CDH12: variants seen among roughly 807,000 people sequenced by gnomAD.
CDH12 encodes the protein cadherin-12.
A neutral mutation model predicts 74.1 loss-of-function variants in CDH12; 41 were observed. The ratio of observed to expected loss-of-function variants is 0.55; its 90% CI spans 0.43 to 0.72. The LOEUF is 0.72. Ranked by LOEUF, CDH12 falls within the 30% of genes least tolerant of loss-of-function variation. The probability of loss-of-function intolerance (pLI) is 0.00; values close to 1 mark genes in which losing one functional copy is unlikely to be tolerated. For missense variants in CDH12, 945 were observed against 977.2 expected, an observed-to-expected ratio of 0.97 and a Z score of 0.44; for synonymous variants, 399 against 355.0, an observed-to-expected ratio of 1.12 and a Z score of -1.39.
intron 2 of CDH12, among the ~76,000 whole-genome samples, chr5:22,409,335 G>A (rs1743083757): frequency 1.3e-5 from 2 of 151,618 alleles, no homozygotes; most frequent in Admixed American, 1.3e-4. Context: ...ATGTTTCTAA[G>A]GTCTGAGTGC....
At chr5:22,546,709 G>A (rs2126727303) in intron 1 of CDH12, among the ~76,000 whole-genome samples, 1 of 152,168 alleles carries the variant, frequency 6.6e-6, no homozygotes, top group East Asian at 1.9e-4. Context: ...AGAAGAATGG[G>A]CATGTTCTGT....
chr5:22,759,219 CT>C, intron 1 of CDH12, among the ~76,000 whole-genome samples: 1 of 151,906 alleles, frequency 6.6e-6, no homozygotes, highest in Admixed American at 6.6e-5. Flanking sequence ...CAAAAAAAAA[CT>C]TAGATTGATT....
intron 6 of CDH12, among the ~76,000 whole-genome samples, chr5:21,900,513 T>C (rs1753336100): frequency 6.6e-6 from 1 of 152,218 alleles, no homozygotes; most frequent in African/African-American, 2.4e-5. Context: ...ATACTTACTA[T>C]GTGTAAAAAC....
At chr5:22,284,993 A>G (rs1333573509) in intron 3 of CDH12, among the ~76,000 whole-genome samples, 1 of 151,444 alleles carries the variant, frequency 6.6e-6, no homozygotes, top group Non-Finnish European at 1.5e-5. Flanking sequence ...AAGTGTGTGT[A>G]AAGAATATAA....
Position 21,931,188 on chromosome 5 carries a change from T to C in CDH12, c.526+43903A>G, listed in dbSNP as rs143230231. Among the ~76,000 whole-genome samples the C allele has an allele frequency of 5.9e-5, 9 of 152,170 alleles. No individual in the cohort carries two copies. In the East Asian group the frequency reaches 1.2e-3, roughly 20 times the overall value. ...CTTATTAGTATTCCAGAGCATATGATACAACAACTTACAGGATTCAAATGC... is the reference window on the plus strand; with the variant it reads ...CTTATTAGTATTCCAGAGCATATGACACAACAACTTACAGGATTCAAATGC... On this transcript the variant is annotated intron_variant, in intron 6 of 14. Coordinates refer to ENST00000382254, the MANE Select transcript of CDH12 (RefSeq NM_004061.5).
At chr5:22,124,105 T>C (rs1745688465) in intron 4 of CDH12, among the ~76,000 whole-genome samples, 1 of 151,820 alleles carries the variant, frequency 6.6e-6, no homozygotes, top group African/African-American at 2.4e-5. Flanking sequence ...GTAGCTGGGA[T>C]TACAGCGCGC....
rs1256104523 is a variant in CDH12 at position 22,796,731 on chromosome 5, G to A, written c.-523+56327C>T. On this transcript the variant is annotated intron_variant, in intron 1 of 14. Coordinates refer to ENST00000382254, the MANE Select transcript of CDH12 (RefSeq NM_004061.5). ...GAGACGGGGTTTCACCGTTTTAGCC[G>A]GGATGGTCTCGATCTCTTGACCTCG... 4.8e-5 allele frequency among the ~76,000 whole-genome samples: 5 copies of A among 103,842 alleles called. 1 individual carries two copies. Among genetic ancestry groups the A allele is most frequent in the African/African-American group, 2.4e-4 (5 of 20,658 alleles). The allele number at this position is 103,842 out of a possible 152,430, so 68.1% of individuals were successfully genotyped here.
chr5:21,940,265 T>A (rs1755271382), intron 6 of CDH12, among the ~76,000 whole-genome samples: 1 of 152,128 alleles, frequency 6.6e-6, no homozygotes, highest in Non-Finnish European at 1.5e-5. Context: ...TATGATGATA[T>A]GATTTACTGA....
intron 1 of CDH12, among the ~76,000 whole-genome samples, chr5:22,699,608 A>G (rs1399286334): frequency 6.6e-6 from 1 of 152,210 alleles, no homozygotes; most frequent in African/African-American, 2.4e-5. Flanking sequence ...AGGGTACCAC[A>G]CATGATTTTC....
chr5:22,540,927 C>G (rs778175122), intron 1 of CDH12, among the ~76,000 whole-genome samples: 9 of 152,092 alleles, frequency 5.9e-5, no homozygotes, highest in Non-Finnish European at 1.3e-4. Flanking sequence ...CCACACCTGT[C>G]TCGTGTTTTG....
intron 4 of CDH12, among the ~76,000 whole-genome samples, chr5:22,159,973 G>A (rs1311565424): frequency 6.6e-6 from 1 of 152,152 alleles, no homozygotes; most frequent in Non-Finnish European, 1.5e-5. Flanking sequence ...TTAAGGTAAT[G>A]TTAGAGACAA....
intron 3 of CDH12, among the ~76,000 whole-genome samples, chr5:22,223,075 G>A (rs1281463506): frequency 1.3e-5 from 2 of 151,956 alleles, no homozygotes; most frequent in East Asian, 1.9e-4. Context: ...TCATTATTAA[G>A]TGGACGTCTT....
intron 4 of CDH12, among the ~76,000 whole-genome samples, chr5:22,149,767 T>C (rs71256866): frequency 0.37 from 55,248 of 151,108 alleles, 10,486 homozygotes; most frequent in Middle Eastern, 0.47. Context: ...CCACCACGTC[T>C]GGGTGGATCA....
intron 1 of CDH12, among the ~76,000 whole-genome samples, chr5:22,698,743 T>A (rs59711292): frequency 0.49 from 38,315 of 78,460 alleles, 11,592 homozygotes; most frequent in East Asian, 0.59. Flanking sequence ...ATAGTGTGTG[T>A]GTGTGTGTGT....
intron 1 of CDH12, among the ~76,000 whole-genome samples, chr5:22,832,506 T>C (rs1447150954): frequency 6.6e-6 from 1 of 152,094 alleles, no homozygotes; most frequent in Admixed American, 6.6e-5. Context: ...AGAAAATGTA[T>C]GGGGTGAGAT....
At chr5:22,102,129 G>C (rs1007170335) in intron 4 of CDH12, among the ~76,000 whole-genome samples, 1 of 152,144 alleles carries the variant, frequency 6.6e-6, no homozygotes, top group Admixed American at 6.5e-5. Context: ...ATTGGCGTCA[G>C]ACTTTCCCCA....
At chr5:21,989,855 ATAC>A (rs1466452398) in intron 5 of CDH12, among the ~76,000 whole-genome samples, 1 of 152,176 alleles carries the variant, frequency 6.6e-6, no homozygotes, top group Non-Finnish European at 1.5e-5. Context: ...TTTGTTTTAG[ATAC>A]TACTAATTCT....
intron 1 of CDH12, among the ~76,000 whole-genome samples, chr5:22,719,425 G>A (rs1193503346): frequency 6.6e-6 from 1 of 152,164 alleles, no homozygotes; most frequent in African/African-American, 2.4e-5. Flanking sequence ...TAGCAAATGT[G>A]GAAAAGATAG....
intron 3 of CDH12, among the ~76,000 whole-genome samples, chr5:22,300,367 A>T (rs1219401040): frequency 1.3e-5 from 2 of 152,144 alleles, no homozygotes; most frequent in African/African-American, 4.8e-5. Context: ...ATATTTTTAA[A>T]AAGACTGTCT....
Sources: gnomAD v4.1 joint callset for allele counts (sites outside exome capture counted in the v4.1 genomes callset) on GRCh38, gnomAD v4.1.1 for gene constraint, MANE v1.5 for transcripts, NCBI Gene and HGNC (gene_info 2026-07-23, HGNC 2026-07-21) for gene names.